The following PRKAG2 variants were observed in gnomAD, a reference collection of about 807,000 sequenced individuals.
PRKAG2 encodes 5'-AMP-activated protein kinase subunit gamma-2.
A neutral mutation model predicts 69.6 loss-of-function variants in PRKAG2; 26 were observed. The ratio of observed to expected loss-of-function variants is 0.37; its 90% confidence interval spans 0.27 to 0.52. PRKAG2 has a LOEUF of 0.52. Ranked by LOEUF, PRKAG2 falls within the 20% of genes least tolerant of loss-of-function variation. The pLI, the probability that PRKAG2 is intolerant of heterozygous loss-of-function variation, is 0.90. For missense variants in PRKAG2, 557 were observed against 740.0 expected (o/e 0.75, Z 2.87); for synonymous variants, 293 against 285.0 (o/e 1.03, Z -0.28).
In PRKAG2 at chr7:151,851,827, C is replaced by T. The variant is rs530240228; in HGVS notation, c.114+24680G>A. 8.5e-5 allele frequency among the ~76,000 whole-genome samples: 13 copies of T among 152,274 alleles called. No individual in the cohort carries two copies. In the South Asian group the frequency reaches 1.7e-3, roughly 19 times the overall value. ...GTATCATCATCGTCTATGAAATGTG[C>T]ACGTCCTCACTCCCATCACTGCTAA... On this transcript the variant is annotated intron_variant, in intron 1 of 15. Transcript: ENST00000287878.
intron 3 of PRKAG2, among the ~76,000 whole-genome samples, chr7:151,726,110 T>C (rs13239239): frequency 0.24 from 36,172 of 151,986 alleles, 5,439 homozygotes; most frequent in Middle Eastern, 0.35. Flanking sequence ...GCTATCTTCA[T>C]GGTGTGTCCT....
chr7:151,715,903 T>A (rs532403673), intron 3 of PRKAG2, among the ~76,000 whole-genome samples: 44 of 152,194 alleles, frequency 2.9e-4, no homozygotes, highest in Non-Finnish European at 5.3e-4. Flanking sequence ...GGCGGTCCCA[T>A]CTCACGGCAT....
chr7:151,735,673 G>A (rs1799659626), intron 3 of PRKAG2, among the ~76,000 whole-genome samples: 1 of 152,216 alleles, frequency 6.6e-6, no homozygotes, highest in African/African-American at 2.4e-5. Flanking sequence ...GGTGGGGCAA[G>A]AAAGGAAACA....
intron 3 of PRKAG2, among the ~76,000 whole-genome samples, chr7:151,702,986 G>A (rs555133864): frequency 4.6e-5 from 7 of 152,136 alleles, no homozygotes; most frequent in Admixed American, 2.0e-4. Context: ...CTAAGCATCC[G>A]TCCATGTACT....
rs537489801 is a variant in PRKAG2, at chr7:151,835,996, T to A, written c.114+40511A>T. Among the ~76,000 whole-genome samples, 5 of 152,290 alleles carry A rather than the reference T, an allele frequency of 3.3e-5. No homozygotes were observed. Among genetic ancestry groups the A allele is most frequent in the Non-Finnish European group, 5.9e-5 (4 of 68,022 alleles). ...TGGACCAGCGTGTCTGAGCTCCCTG[T>A]GAATGTATCTAATTTGTGGGACTTG... On this transcript the variant is annotated intron_variant, in intron 1 of 15. Transcript: ENST00000287878. The surrounding 1 kb of genome is among the most constrained non-coding windows in gnomAD (Gnocchi z 4.1).
chr7:151,809,461 C>G (rs2078303801), intron 1 of PRKAG2: 1 of 329,724 alleles, frequency 3.0e-6, no homozygotes. Flanking sequence ...GTCTTCTCAG[C>G]ACAGGAACGG....
At chr7:151,571,575 TATC>T (rs1807587095) in intron 9 of PRKAG2, among the ~76,000 whole-genome samples, 1 of 152,198 alleles carries the variant, frequency 6.6e-6, no homozygotes, top group Non-Finnish European at 1.5e-5. Flanking sequence ...TACTACAAAA[TATC>T]ATGTAATGTC....
chr7:151,675,822 C>T (rs1832850194), intron 3 of PRKAG2, among the ~76,000 whole-genome samples, 185 bp from the exon 4 acceptor site: 2 of 152,094 alleles, frequency 1.3e-5, no homozygotes, highest in Admixed American at 6.5e-5. Flanking sequence ...GGTCAGAGGT[C>T]CCGCCATGGC....
chr7:151,757,047 A>G (rs1268781601), intron 3 of PRKAG2, among the ~76,000 whole-genome samples: 1 of 152,062 alleles, frequency 6.6e-6, no homozygotes, highest in Non-Finnish European at 1.5e-5. Flanking sequence ...CTTGCTCTAT[A>G]TTTAGGGACA....
chr7:151,650,992 G>T lies in PRKAG2; in HGVS notation c.685-18854C>A, dbSNP rs572335014. ...TTTGGACCTGGGTATTTGGTAGACA[G>T]TTTTTTTTCAAAATGAATAAACTGA... is the stretch of plus-strand genomic sequence containing the variant. On this transcript the variant is annotated intron_variant, in intron 4 of 15. Transcript: ENST00000287878. Among the ~76,000 whole-genome samples, 7 of 152,012 alleles carry T rather than the reference G, an allele frequency of 4.6e-5. No individual in the cohort carries two copies. In the East Asian group the frequency reaches 1.4e-3, roughly 29 times the overall value.
intron 3 of PRKAG2, among the ~76,000 whole-genome samples, chr7:151,776,828 C>T (rs1448530409): frequency 1.3e-5 from 2 of 152,150 alleles, no homozygotes; most frequent in African/African-American, 2.4e-5. Flanking sequence ...ATTAGGGGCA[C>T]AGGGGTGTGG....
Position 151,641,976 on chromosome 7 carries a change from T to C in PRKAG2, c.685-9838A>G, listed in dbSNP as rs570459596. On this transcript the variant is annotated intron_variant, in intron 4 of 15. Transcript: ENST00000287878. ...TGGGAGGTTGAGGTGGGAGGATCAC[T>C]TGAGCCCAGGAGTTTGAGACCAGCC... is the stretch of plus-strand genomic sequence containing the variant. Among the ~76,000 whole-genome samples, 8 of 148,764 alleles carry C rather than the reference T, an allele frequency of 5.4e-5. No homozygotes were observed. In the East Asian group the frequency reaches 1.2e-3, roughly 22 times the overall value.
chr7:151,773,502 T>C (rs1464989938), intron 3 of PRKAG2, among the ~76,000 whole-genome samples: 1 of 152,214 alleles, frequency 6.6e-6, no homozygotes, highest in Admixed American at 6.5e-5. Context: ...CGTGCCTCAG[T>C]TTCTAGTTTG....
chr7:151,782,741 C>G (rs2076783989), intron 2 of PRKAG2, among the ~76,000 whole-genome samples: 1 of 152,178 alleles, frequency 6.6e-6, no homozygotes, highest in Admixed American at 6.5e-5. Context: ...TGAGGATGGC[C>G]GTGCCCTCAC....
chr7:151,648,637 GTTT>G (rs1827949284), intron 4 of PRKAG2, among the ~76,000 whole-genome samples: 1 of 152,162 alleles, frequency 6.6e-6, no homozygotes, highest in Non-Finnish European at 1.5e-5. Context: ...CTAAACCAGT[GTTT>G]TTAAAACTGT....
At chr7:151,798,634 A>C (rs1306108926) in intron 1 of PRKAG2, among the ~76,000 whole-genome samples, 1 of 152,086 alleles carries the variant, frequency 6.6e-6, no homozygotes, top group African/African-American at 2.4e-5. Context: ...TGTACTTCCT[A>C]TTGTGTTGTG....
At chr7:151,624,128 A>C (rs1209918889) in intron 5 of PRKAG2, among the ~76,000 whole-genome samples, 1 of 148,868 alleles carries the variant, frequency 6.7e-6, no homozygotes, top group Non-Finnish European at 1.5e-5. Context: ...CAAGTGGGAC[A>C]GAAGGCAGCG....
At chr7:151,585,186 C>T (rs184905208) in intron 6 of PRKAG2, among the ~76,000 whole-genome samples, 1 of 152,338 alleles carries the variant, frequency 6.6e-6, no homozygotes, top group East Asian at 1.9e-4. Flanking sequence ...AGTACCTTCA[C>T]AATTCTTAAT....
intron 5 of PRKAG2, among the ~76,000 whole-genome samples, chr7:151,631,083 C>G (rs1443225008): frequency 4.6e-5 from 7 of 152,162 alleles, no homozygotes; most frequent in African/African-American, 1.7e-4. Context: ...TGTGAATGAA[C>G]AGAGGTATTA....
Sources: gnomAD v4.1 joint callset for allele counts (sites outside exome capture counted in the v4.1 genomes callset) on GRCh38, gnomAD v4.1.1 for gene constraint, Gnocchi (gnomAD v3.1) non-coding constraint, MANE v1.5 for transcripts, NCBI Gene and HGNC (gene_info 2026-07-23, HGNC 2026-07-21) for gene names.